Variants in HK2 observed in about 807,000 individuals in gnomAD.
The protein encoded by HK2 is hexokinase-2.
HK2 carries 42 observed loss-of-function variants against 92.9 expected under a neutral mutation model. The ratio of observed to expected loss-of-function variants is 0.45; its 90% CI spans 0.35 to 0.58. The LOEUF is 0.58. Ranked by LOEUF, HK2 falls within the 20% of genes least tolerant of loss-of-function variation. The probability of loss-of-function intolerance (pLI) is 0.00; values close to 1 mark genes in which losing one functional copy is unlikely to be tolerated. For synonymous variants in HK2, 422 were observed against 468.0 expected (o/e 0.90, Z 1.27); for missense variants, 978 against 1,245.1 (o/e 0.79, Z 3.23).
intron 2 of HK2, among the ~76,000 whole-genome samples, chr2:74,866,209 G>A (rs1343816644): frequency 2.0e-5 from 3 of 152,158 alleles, no homozygotes; most frequent in African/African-American, 4.8e-5. Flanking sequence ...AGTGCTGGAG[G>A]TGCTGAGTGC....
intron 1 of HK2, among the ~76,000 whole-genome samples, chr2:74,842,147 G>T (rs758319429): frequency 3.3e-5 from 5 of 152,238 alleles, no homozygotes; most frequent in African/African-American, 1.2e-4. Flanking sequence ...GAGAAAGAGG[G>T]TTAACAGGTG....
Position 74,834,730 on chromosome 2 carries a change from C to T in HK2, c.63+87C>T. ...TCTCTTCCTCGACCCTGCGGGGACC[C>T]GCTTCCTCCCTACTCCGGGCCTGGG... On this transcript the variant is annotated intron_variant, in intron 1 of 17. Coordinates refer to ENST00000290573, the MANE Select transcript of HK2 (RefSeq NM_000189.5). This position sits in a 1 kb window ranked among gnomAD's most constrained non-coding sequence, Gnocchi z 4.2. 1 of 1,442,912 alleles carries T rather than the reference C, an allele frequency of 6.9e-7. No homozygotes were observed. Among genetic ancestry groups the T allele is most frequent in the Non-Finnish European group, 9.7e-7 (1 of 1,025,660 alleles). 89.4% of individuals were successfully genotyped at this position (1,442,912 alleles called of 1,614,324 possible).
intron 1 of HK2, among the ~76,000 whole-genome samples, chr2:74,853,047 G>A (rs1474955703): frequency 6.6e-6 from 1 of 152,196 alleles, no homozygotes; most frequent in Non-Finnish European, 1.5e-5. Context: ...TTGTGATCTG[G>A]AGGATGAGAA....
At chr2:74,850,593 A>C (rs1219504225) in intron 1 of HK2, among the ~76,000 whole-genome samples, 1 of 152,116 alleles carries the variant, frequency 6.6e-6, no homozygotes, top group Admixed American at 6.6e-5. Flanking sequence ...CTGTGTGTAC[A>C]TCTGCTATCA....
chr2:74,842,323 G>T (rs2103840527), intron 1 of HK2, among the ~76,000 whole-genome samples: 1 of 152,184 alleles, frequency 6.6e-6, no homozygotes, highest in South Asian at 2.1e-4. Context: ...ATTATGTTTT[G>T]CACTTTCAGT....
In HK2 at chr2:74,854,314, A is replaced by T; in HGVS notation, c.85A>T (p.Met29Leu). 2 of 1,612,816 alleles carry T rather than the reference A, an allele frequency of 1.2e-6. No individual in the cohort carries two copies. The highest frequency in any genetic ancestry group is 1.1e-5 in the South Asian group (1 of 91,002). ...VQKVDQYLYH[M>L]RLSDETLLEI... ...TCAGGTTGACCAGTATCTCTACCAC[A>T]TGCGCCTCTCTGATGAGACCCTCTT... The change falls in exon 2 of 18, where the codon ATG becomes TTG. Residue 29 changes from methionine (M) to leucine (L), a missense_variant. Physicochemically the swap from Met to Leu is conservative, Grantham distance 15 (BLOSUM62 2). This residue lies in a region of HK2 where 47 missense variants were observed against 33.1 expected (regional missense o/e 1.42). Transcript: ENST00000290573.
At chr2:74,876,303 G>T (rs1689231740) in intron 7 of HK2, among the ~76,000 whole-genome samples, 1 of 152,142 alleles carries the variant, frequency 6.6e-6, no homozygotes, top group African/African-American at 2.4e-5. Flanking sequence ...CCTCGCTGGG[G>T]CTCATCCTAG....
chr2:74,869,952 C>T (rs1310653402), intron 3 of HK2, among the ~76,000 whole-genome samples: 1 of 151,560 alleles, frequency 6.6e-6, no homozygotes, highest in Non-Finnish European at 1.5e-5. Flanking sequence ...TGAAGTGTGG[C>T]TGGTGTGACG....
At chr2:74,851,749 G>A (rs1688575118) in intron 1 of HK2, among the ~76,000 whole-genome samples, 1 of 152,146 alleles carries the variant, frequency 6.6e-6, no homozygotes, top group Admixed American at 6.5e-5. Context: ...TCTTTGTCAG[G>A]TGTCACCCTC....
chr2:74,836,463 T>A (rs892340121), intron 1 of HK2, among the ~76,000 whole-genome samples: 2 of 152,198 alleles, frequency 1.3e-5, no homozygotes, highest in African/African-American at 4.8e-5. Flanking sequence ...ACAGCCCGTT[T>A]CTCTTTGTGA....
chr2:74,867,916 T>C (rs886555588), intron 3 of HK2, 132 bp downstream of exon 3: 15 of 1,013,252 alleles, frequency 1.5e-5, no homozygotes, highest in Non-Finnish European at 3.1e-6. Flanking sequence ...CCAGCACAGC[T>C]GTAAGGGCTC....
At chr2:74,885,415 T>G (rs1164084644) in intron 12 of HK2, 79 bp from the exon 13 acceptor site, 9 of 957,978 alleles carry the variant, frequency 9.4e-6, no homozygotes, top group Non-Finnish European at 8.6e-6. Flanking sequence ...GGTTGAGAGC[T>G]AGAAGCACAG....
intron 1 of HK2, among the ~76,000 whole-genome samples, chr2:74,837,235 CG>C (rs3836190): frequency 0.24 from 36,070 of 152,192 alleles, 4,561 homozygotes; most frequent in South Asian, 0.35. Flanking sequence ...AGCTGGGAAT[CG>C]AAGCCATGCA....
chr2:74,872,306 G>A lies in HK2; in HGVS notation c.382G>A (p.Asp128Asn). Residue 128 changes from aspartate to asparagine, a missense_variant, in exon 4 of 18, where the codon GAC (aspartate) becomes AAC (asparagine). Physicochemically the swap from Asp to Asn is conservative, Grantham distance 23. This residue lies in a region of HK2 where 189 missense variants were observed against 289.5 expected (regional missense o/e 0.65). Coordinates refer to ENST00000290573, the MANE Select transcript of HK2 (RefSeq NM_000189.5). ...IMRGSGTQLF[D>N]HIAECLANFM... Reference sequence around the variant, plus strand: ...CTGTGTCATGTATCCTTAGCTGTTTGACCACATTGCCGAATGCCTGGCTAA... The same window carrying A: ...CTGTGTCATGTATCCTTAGCTGTTTAACCACATTGCCGAATGCCTGGCTAA... 1 of 1,613,926 alleles carries A rather than the reference G, an allele frequency of 6.2e-7. No homozygotes were observed. The highest frequency in any genetic ancestry group is 8.5e-7 in the Non-Finnish European group (1 of 1,179,954).
At position 74,888,052 on chromosome 2, in the gene HK2, T is replaced by C. The variant is rs1220066978; in HGVS notation, c.2369T>C (p.Ile790Thr). The change falls in exon 16 of 18, where the codon ATT becomes ACT. Residue 790 changes from isoleucine (I) to threonine (T), a missense_variant. This residue lies in a region of HK2 where 742 missense variants were observed against 922.5 expected (regional missense o/e 0.80). Coordinates refer to ENST00000290573, the MANE Select transcript of HK2 (RefSeq NM_000189.5). ...TTTGAAACCAAGTTCTTGTCTCAGA[T>C]TGAGAGGTGAGAGCTTAGGGCTCAG... Reference protein sequence around the residue: ...GIFETKFLSQIESDCLALLQV... With the variant: ...GIFETKFLSQTESDCLALLQV... The C allele has an allele frequency of 6.8e-6, 11 of 1,613,974 alleles. No homozygotes were observed. The highest frequency in any genetic ancestry group is 1.3e-5 in the African/African-American group (1 of 74,902).
chr2:74,880,509 C>T lies in HK2; in HGVS notation c.1510C>T (p.His504Tyr). The change falls in exon 10 of 18, where the codon CAT becomes TAT. Residue 504 changes from histidine (H) to tyrosine (Y), a missense_variant. Coordinates refer to ENST00000290573, the MANE Select transcript of HK2 (RefSeq NM_000189.5). The part of the protein sequence containing the change: ...EMERGLSKET[H>Y]ASAPVKMLPT... ...GGAGCGAGGTCTGAGCAAGGAGACTCATGCCAGTGCCCCCGTCAAGATGCT... is the reference window on the plus strand; with the variant it reads ...GGAGCGAGGTCTGAGCAAGGAGACTTATGCCAGTGCCCCCGTCAAGATGCT... The T allele has an allele frequency of 6.2e-7, 1 of 1,614,232 alleles. No homozygotes were observed. Among genetic ancestry groups the T allele is most frequent in the Non-Finnish European group, 8.5e-7 (1 of 1,180,026 alleles).
At chr2:74,861,774 C>T (rs1313713625) in intron 2 of HK2, among the ~76,000 whole-genome samples, 1 of 152,182 alleles carries the variant, frequency 6.6e-6, no homozygotes, top group Non-Finnish European at 1.5e-5. Context: ...CAATAAGAAG[C>T]TCAAGTACAA....
Position 74,892,191 on chromosome 2 carries a change from G to A in HK2, c.*1250G>A, listed in dbSNP as rs1689698393. ...CTTAGAAATCTTTATTCTTAGGGCA[G>A]TCAGTAGTATTCTAAAGCTTTCTGA... On this transcript the variant is annotated 3_prime_UTR_variant, in exon 18 of 18. Coordinates refer to ENST00000290573, the MANE Select transcript of HK2 (RefSeq NM_000189.5). 6.6e-6 allele frequency: 1 copy of A among 152,322 alleles called. No individual in the cohort carries two copies. The highest frequency in any genetic ancestry group is 6.5e-5 in the Admixed American group (1 of 15,288). 9.4% of individuals were successfully genotyped at this position (152,322 alleles called of 1,614,324 possible).
At chr2:74,857,842 C>T (rs1361823115) in intron 2 of HK2, among the ~76,000 whole-genome samples, 14 of 152,076 alleles carry the variant, frequency 9.2e-5, no homozygotes, top group East Asian at 5.8e-4. Context: ...GAGGAAAGGC[C>T]GAGGTGAAGT....
Sources: gnomAD v4.1 joint callset for allele counts (sites outside exome capture counted in the v4.1 genomes callset) on GRCh38, gnomAD v4.1.1 for gene constraint, gnomAD v4.1.1 regional missense constraint, Gnocchi (gnomAD v3.1) non-coding constraint, MANE v1.5 for transcripts, NCBI Gene and HGNC (gene_info 2026-07-23, HGNC 2026-07-21) for gene names.